RASAL2: variants seen among roughly 807,000 people sequenced by gnomAD.
RASAL2 encodes ras GTPase-activating protein nGAP.
Under a neutral mutation model 128.9 loss-of-function variants are expected in RASAL2, and 58 were observed. The observed-to-expected ratio is 0.45, with a 90% CI of 0.36 to 0.56. RASAL2 has a LOEUF of 0.56. Among genes scored for constraint, RASAL2 ranks in the 20% least tolerant of loss-of-function variants. The pLI is 0.00. For missense variants in RASAL2, 1,360 were observed against 1,601.6 expected (o/e 0.85, Z 2.57); for synonymous variants, 561 against 580.8 (o/e 0.97, Z 0.49).
intron 4 of RASAL2, among the ~76,000 whole-genome samples, chr1:178,401,577 G>A (rs550827752): frequency 2.9e-4 from 44 of 152,300 alleles, no homozygotes; most frequent in African/African-American, 1.0e-3. Flanking sequence ...GGAGTTTCAG[G>A]CCGTAGTGCG....
chr1:178,234,071 C>CTA (rs780183240), intron 1 of RASAL2, among the ~76,000 whole-genome samples: 6 of 152,078 alleles, frequency 3.9e-5, no homozygotes, highest in African/African-American at 7.2e-5. Flanking sequence ...ATAGTAATAG[C>CTA]AAGAAGTGAA....
chr1:178,133,536 T>C (rs1240027164), intron 1 of RASAL2, among the ~76,000 whole-genome samples: 1 of 151,752 alleles, frequency 6.6e-6, no homozygotes, highest in Non-Finnish European at 1.5e-5. Flanking sequence ...AGTTGGGGAA[T>C]GTGTGGTGGC....
intron 3 of RASAL2, among the ~76,000 whole-genome samples, chr1:178,337,395 G>A (rs1203529841): frequency 1.3e-5 from 2 of 152,142 alleles, no homozygotes; most frequent in African/African-American, 4.8e-5. Context: ...GGTGACTTTG[G>A]TGTTTGTCAT....
intron 1 of RASAL2, among the ~76,000 whole-genome samples, chr1:178,196,830 A>G (rs1662675024): frequency 6.6e-6 from 1 of 152,248 alleles, no homozygotes. Flanking sequence ...AAAGGTGTTC[A>G]ACTTTATTAG....
At chr1:178,437,569 G>A (rs542229107) in intron 5 of RASAL2, among the ~76,000 whole-genome samples, 1 of 152,130 alleles carries the variant, frequency 6.6e-6, no homozygotes. Flanking sequence ...ACCTCCTTCT[G>A]TTTTAAACAT....
intron 1 of RASAL2, among the ~76,000 whole-genome samples, chr1:178,212,246 C>A (rs1484998989): frequency 2.0e-5 from 3 of 152,154 alleles, no homozygotes; most frequent in Non-Finnish European, 4.4e-5. Flanking sequence ...AGGCAGTATG[C>A]ATTCAACATA....
At chr1:178,125,849 A>G (rs1659879832) in intron 1 of RASAL2, among the ~76,000 whole-genome samples, 1 of 152,210 alleles carries the variant, frequency 6.6e-6, no homozygotes, top group African/African-American at 2.4e-5. Context: ...CAGAGAGTTC[A>G]TTTTTCATAA....
At chr1:178,349,122 T>A (rs1670316561) in intron 3 of RASAL2, among the ~76,000 whole-genome samples, 1 of 151,228 alleles carries the variant, frequency 6.6e-6, no homozygotes, top group African/African-American at 2.4e-5. Flanking sequence ...ATTTTCATGT[T>A]GAAAGTTCTC....
In RASAL2 at chr1:178,114,047, TTTA is replaced by T. The variant is rs1486448034; in HGVS notation, c.202+19359_202+19361del. On this transcript the variant is annotated intron_variant, in intron 1 of 17. Transcript: ENST00000367649. ...GTACCCTGCAACCTTGCTAAACTCA[TTTA>T]TTATTTCTAGTGTTTTTTTTTGTTT... Among the ~76,000 whole-genome samples, 16 of 152,128 alleles carry T rather than the reference TTTA, an allele frequency of 1.1e-4. 2 individuals carry two copies. The highest frequency in any genetic ancestry group is 1.1e-3 in the Admixed American group (16 of 15,228).
At chr1:178,438,907 G>GTT (rs1676440811) in intron 5 of RASAL2, among the ~76,000 whole-genome samples, 1 of 150,808 alleles carries the variant, frequency 6.6e-6, no homozygotes, top group South Asian at 2.1e-4. Flanking sequence ...GTGTGTGTGT[G>GTT]TGTGTGTGTG....
chr1:178,144,696 GT>G (rs1200621628), intron 1 of RASAL2, among the ~76,000 whole-genome samples: 1 of 152,166 alleles, frequency 6.6e-6, no homozygotes, highest in African/African-American at 2.4e-5. Flanking sequence ...TTTGTAAATG[GT>G]TGTGTAATAT....
intron 4 of RASAL2, chr1:178,411,902 C>T (rs1432341397): frequency 7.3e-6 from 5 of 685,186 alleles, no homozygotes; most frequent in Non-Finnish European, 1.3e-5. Flanking sequence ...GCCAGTCGGC[C>T]TTCAGAGCCC....
At chr1:178,313,509 G>C (rs1296085060) in intron 3 of RASAL2, among the ~76,000 whole-genome samples, 1 of 147,664 alleles carries the variant, frequency 6.8e-6, no homozygotes, top group Non-Finnish European at 1.5e-5. Context: ...TTTCTGTTTT[G>C]AGACAGGGTC....
intron 1 of RASAL2, among the ~76,000 whole-genome samples, chr1:178,112,832 C>G (rs963186477): frequency 6.6e-6 from 1 of 150,874 alleles, no homozygotes; most frequent in Non-Finnish European, 1.5e-5. Flanking sequence ...GTGGGTGCAG[C>G]ACACCAGCAT....
At chr1:178,132,223 A>AT (rs57817232) in intron 1 of RASAL2, among the ~76,000 whole-genome samples, 24,799 of 146,248 alleles carry the variant, frequency 0.17, 2,438 homozygotes, top group East Asian at 0.31. Flanking sequence ...AAAATTTTAA[A>AT]TTTTTTTTTT....
intron 3 of RASAL2, among the ~76,000 whole-genome samples, chr1:178,341,945 A>G (rs143712198): frequency 3.7e-4 from 56 of 152,338 alleles, no homozygotes; most frequent in African/African-American, 1.2e-3. Flanking sequence ...AAAATTCTTT[A>G]TGAAATATAA....
At chr1:178,422,300 T>TA (rs1397684371) in intron 5 of RASAL2, among the ~76,000 whole-genome samples, 2 of 152,100 alleles carry the variant, frequency 1.3e-5, no homozygotes, top group Non-Finnish European at 2.9e-5. Context: ...ATTATATAGT[T>TA]ACTGTATTTT....
chr1:178,139,131 C>G (rs191681903), intron 1 of RASAL2, among the ~76,000 whole-genome samples: 3 of 152,026 alleles, frequency 2.0e-5, no homozygotes, highest in Admixed American at 2.0e-4. Flanking sequence ...TAAGTTTCTG[C>G]TATACATATT....
At chr1:178,397,784 T>A (rs1557957000) in intron 4 of RASAL2, among the ~76,000 whole-genome samples, 1 of 151,724 alleles carries the variant, frequency 6.6e-6, no homozygotes, top group Non-Finnish European at 1.5e-5. Flanking sequence ...TTTTTTTTTT[T>A]TTTTAACTTT....
Sources: allele counts gnomAD v4.1 joint callset (sites outside exome capture counted in the v4.1 genomes callset), GRCh38; gene constraint gnomAD v4.1.1; transcripts MANE v1.5; gene names NCBI Gene and HGNC (gene_info 2026-07-23, HGNC 2026-07-21).